The following RYK variants were observed in gnomAD, a reference collection of about 807,000 sequenced individuals.
The protein encoded by RYK is inactive tyrosine-protein kinase RYK.
Under a neutral mutation model 70.2 loss-of-function variants are expected in RYK, and 21 were observed. That is an observed-to-expected ratio of 0.30 (90% CI 0.21 to 0.43). The LOEUF (loss-of-function observed/expected upper bound fraction) is 0.43, where lower values mean the gene tolerates loss of function less well. Among genes scored for constraint, RYK ranks in the 20% least tolerant of loss-of-function variants. RYK has a pLI of 1.00. For synonymous variants in RYK, 267 were observed against 278.0 expected (o/e 0.96, Z 0.39); for missense variants, 604 against 753.3 (o/e 0.80, Z 2.32).
Position 134,202,842 on chromosome 3 carries a change from T to C in RYK, c.676A>G (p.Thr226Ala), listed in dbSNP as rs1452106632. ...CCTACACTAATATAAAACACACGCGTAGAAGTGGTTGGAGCTGCATGTACA... is the reference window on the plus strand; with the variant it reads ...CCTACACTAATATAAAACACACGCGCAGAAGTGGTTGGAGCTGCATGTACA... ...DPVHAAPTTS[T>A]RVFYISVGVC... Residue 226 changes from threonine to alanine, a missense_variant, in exon 6 of 15, where the codon ACG (threonine) becomes GCG (alanine). Around this residue, in one of 2 missense-constraint regions of RYK, gnomAD observed 466 missense variants for 535.9 expected, o/e 0.87. Transcript: ENST00000623711. 2.5e-6 allele frequency: 4 copies of C among 1,613,252 alleles called. No homozygotes were observed. The highest frequency in any genetic ancestry group is 3.4e-6 in the Non-Finnish European group (4 of 1,179,464).
chr3:134,195,904 C>T (rs9882168), intron 6 of RYK, among the ~76,000 whole-genome samples: 45,752 of 151,486 alleles, frequency 0.3, 8,390 homozygotes, highest in Middle Eastern at 0.47. Flanking sequence ...CAAGATTACG[C>T]CACTGCACTC....
At chr3:134,210,967 A>T (rs1208076935) in intron 3 of RYK, among the ~76,000 whole-genome samples, 1 of 152,214 alleles carries the variant, frequency 6.6e-6, no homozygotes, top group East Asian at 1.9e-4. Context: ...GATGATCCCA[A>T]ATACTGAGAC....
intron 9 of RYK, among the ~76,000 whole-genome samples, chr3:134,186,190 T>C (rs567279487): frequency 2.0e-5 from 3 of 152,358 alleles, no homozygotes; most frequent in South Asian, 4.1e-4. Flanking sequence ...ATTTATTTTA[T>C]GGAATTCAAT....
rs879412928 is a variant in RYK, at chr3:134,245,374, TA to T, written c.232+5048del. Among the ~76,000 whole-genome samples the T allele has an allele frequency of 4.1e-3, 593 of 146,146 alleles. 4 individuals carry two copies. The highest frequency in any genetic ancestry group is 0.012 in the African/African-American group (478 of 40,140). On this transcript the variant is annotated intron_variant, in intron 1 of 14. Transcript: ENST00000623711. ...CCAAAATTCCTCTAAAATGATAGTT[TA>T]AAAAAAAAAAATCACAAAGACATCA...
intron 1 of RYK, among the ~76,000 whole-genome samples, chr3:134,232,469 G>A (rs1219459286): frequency 1.3e-5 from 2 of 152,140 alleles, no homozygotes; most frequent in Non-Finnish European, 2.9e-5. Context: ...ATAAGCTGCT[G>A]ACAATTTAAA....
At chr3:134,200,421 G>A (rs183845671) in intron 6 of RYK, among the ~76,000 whole-genome samples, 22 of 152,136 alleles carry the variant, frequency 1.4e-4, no homozygotes, top group African/African-American at 2.9e-4. Context: ...AAGAAACTCC[G>A]GACACATCTG....
chr3:134,216,750 G>A (rs1350807026), intron 2 of RYK, among the ~76,000 whole-genome samples: 2 of 119,818 alleles, frequency 1.7e-5, no homozygotes, highest in African/African-American at 6.5e-5. Flanking sequence ...CAGAGAAAGC[G>A]CCACTGCACT....
In RYK at chr3:134,175,739, G is replaced by T; in HGVS notation, c.1445C>A (p.Thr482Lys). Residue 482 changes from threonine (T) to lysine (K), a missense_variant, in exon 13 of 15, where the codon ACA becomes AAA. Around this residue, in one of 2 missense-constraint regions of RYK, gnomAD observed 138 missense variants for 217.4 expected, o/e 0.63. Coordinates refer to ENST00000623711, the MANE Select transcript of RYK (RefSeq NM_002958.4). ...CAAGTCTCTGGAGAGGGCATTGTCTGTGATCTTAACTTGAAGTGTGTCATC... is the reference window on the plus strand; with the variant it reads ...CAAGTCTCTGGAGAGGGCATTGTCTTTGATCTTAACTTGAAGTGTGTCATC... ...VIDDTLQVKI[T>K]DNALSRDLFP... is the part of the protein sequence containing the mutation. The T allele has an allele frequency of 6.2e-7, 1 of 1,613,860 alleles. No homozygotes were observed. The highest frequency in any genetic ancestry group is 2.2e-5 in the East Asian group (1 of 44,886).
At chr3:134,219,175 C>T (rs1410598410) in intron 2 of RYK, among the ~76,000 whole-genome samples, 9 of 152,138 alleles carry the variant, frequency 5.9e-5, no homozygotes, top group Admixed American at 4.6e-4. Context: ...ATGTACCATG[C>T]TAACACTGCT....
Position 134,175,910 on chromosome 3 carries a change from G to A in RYK, c.1415+20C>T, listed in dbSNP as rs1466421779. 7.6e-6 allele frequency: 12 copies of A among 1,574,514 alleles called. No individual in the cohort carries two copies. The highest frequency in any genetic ancestry group is 4.5e-5 in the East Asian group (2 of 44,510). ...GAAGCACTCTACATCAAGTGACAGC[G>A]TCAAGCTCATGGCACCTACACACAG... On this transcript the variant is annotated intron_variant, in intron 12 of 14. Coordinates refer to ENST00000623711, the MANE Select transcript of RYK (RefSeq NM_002958.4).
At chr3:134,216,314 C>G (rs1042032253) in intron 2 of RYK, among the ~76,000 whole-genome samples, 2 of 152,006 alleles carry the variant, frequency 1.3e-5, no homozygotes, top group African/African-American at 4.8e-5. Flanking sequence ...CTCATAGAAA[C>G]CTCACTCTGC....
intron 11 of RYK, among the ~76,000 whole-genome samples, chr3:134,176,749 A>G (rs2013110881): frequency 6.6e-6 from 1 of 151,988 alleles, no homozygotes; most frequent in Non-Finnish European, 1.5e-5. Context: ...CTAATGAAAC[A>G]AAAAACAAAA....
intron 6 of RYK, among the ~76,000 whole-genome samples, chr3:134,200,534 C>G (rs2013981054): frequency 6.6e-6 from 1 of 152,206 alleles, no homozygotes; most frequent in African/African-American, 2.4e-5. Flanking sequence ...ACCAAGAACC[C>G]ACCAGAAGGA....
At chr3:134,231,998 A>T (rs2015068954) in intron 1 of RYK, among the ~76,000 whole-genome samples, 1 of 152,176 alleles carries the variant, frequency 6.6e-6, no homozygotes, top group African/African-American at 2.4e-5. Context: ...CAACTCCAAC[A>T]ATCTTCATCC....
intron 1 of RYK, among the ~76,000 whole-genome samples, chr3:134,228,158 G>A (rs2014959113): frequency 6.6e-6 from 1 of 152,154 alleles, no homozygotes; most frequent in African/African-American, 2.4e-5. Flanking sequence ...AAGCATGGTG[G>A]TGTATGCCTG....
Position 134,196,091 on chromosome 3 carries a change from C to T in RYK, c.789-909G>A, listed in dbSNP as rs150244640. 6.8e-3 allele frequency among the ~76,000 whole-genome samples: 1,042 copies of T among 152,232 alleles called. 8 individuals carry two copies. Among genetic ancestry groups the T allele is most frequent in the African/African-American group, 0.022 (897 of 41,518 alleles). On this transcript the variant is annotated intron_variant, in intron 6 of 14. Coordinates refer to ENST00000623711, the MANE Select transcript of RYK (RefSeq NM_002958.4). ...ACTACACCATATTCTCTAAATAATA[C>T]AGGACACCAAGAAGATGATAGGTTC...
intron 1 of RYK, among the ~76,000 whole-genome samples, chr3:134,231,819 T>C (rs1212999138): frequency 6.6e-6 from 1 of 152,166 alleles, no homozygotes; most frequent in Non-Finnish European, 1.5e-5. Context: ...CATCAAACTA[T>C]GCCACCCTCT....
chr3:134,215,216 A>G (rs371241975), intron 2 of RYK, among the ~76,000 whole-genome samples: 1 of 149,830 alleles, frequency 6.7e-6, no homozygotes, highest in South Asian at 2.3e-4. Flanking sequence ...GTCCAGGGCC[A>G]TAACTGCAGT....
chr3:134,235,003 T>C (rs1330893655), intron 1 of RYK, among the ~76,000 whole-genome samples: 1 of 152,098 alleles, frequency 6.6e-6, no homozygotes, highest in Non-Finnish European at 1.5e-5. Flanking sequence ...CTATAGGAAA[T>C]GTGACTTACT....
Sources: allele counts gnomAD v4.1 joint callset (sites outside exome capture counted in the v4.1 genomes callset), GRCh38; gene constraint gnomAD v4.1.1; regional missense constraint gnomAD v4.1.1; transcripts MANE v1.5; gene names NCBI Gene and HGNC (gene_info 2026-07-23, HGNC 2026-07-21).